Variants in FBXL13 observed in about 807,000 individuals in gnomAD.
The protein encoded by FBXL13 is F-box and leucine-rich repeat protein 13.
FBXL13 carries 67 observed loss-of-function variants against 83.6 expected under a neutral mutation model. The ratio of observed to expected loss-of-function variants is 0.80; its 90% CI spans 0.66 to 0.98. The LOEUF (loss-of-function observed/expected upper bound fraction) is 0.98, where lower values mean the gene tolerates loss of function less well. Ranked by LOEUF, FBXL13 falls within the 50% of genes least tolerant of loss-of-function variation. The pLI, the probability that FBXL13 is intolerant of heterozygous loss-of-function variation, is 0.00. For synonymous variants in FBXL13, 272 were observed against 299.5 expected, an observed-to-expected ratio of 0.91 and a Z score of 0.95; for missense variants, 822 against 866.5, an observed-to-expected ratio of 0.95 and a Z score of 0.64.
chr7:103,007,880 G>A (rs1791149995), intron 6 of FBXL13, among the ~76,000 whole-genome samples: 1 of 152,078 alleles, frequency 6.6e-6, no homozygotes, highest in Non-Finnish European at 1.5e-5. Flanking sequence ...TCCAATCAGT[G>A]GGCCATCCTG....
intron 6 of FBXL13, among the ~76,000 whole-genome samples, chr7:103,024,833 GTATATATA>G (rs1232363692): frequency 1.3e-3 from 127 of 95,912 alleles, no homozygotes; most frequent in East Asian, 5.4e-3. Flanking sequence ...ATATATATGT[GTATATATA>G]TATATATATA....
chr7:102,827,478 T>C (rs1258437494), intron 18 of FBXL13, among the ~76,000 whole-genome samples: 1 of 152,176 alleles, frequency 6.6e-6, no homozygotes, highest in East Asian at 1.9e-4. Flanking sequence ...GCCAATACTA[T>C]GTGCCAGGAA....
intron 2 of FBXL13, among the ~76,000 whole-genome samples, chr7:103,044,708 A>G (rs1796096765): frequency 6.6e-6 from 1 of 152,204 alleles, no homozygotes; most frequent in South Asian, 2.1e-4. Context: ...TTTAAATTTT[A>G]TATATGCTTT....
At chr7:102,850,839 C>T (rs17136113) in intron 17 of FBXL13, among the ~76,000 whole-genome samples, 7,770 of 152,108 alleles carry the variant, frequency 0.051, 223 homozygotes, top group South Asian at 0.1. Flanking sequence ...CATTAGTATC[C>T]CTGGTCTAAA....
At chr7:102,913,272 TTTC>T in intron 10 of FBXL13, 57 bp from the exon 12 acceptor site, 1 of 1,606,652 alleles carries the variant, frequency 6.2e-7, no homozygotes, top group Non-Finnish European at 8.5e-7. Context: ...CTCTCAAATC[TTTC>T]TTAAGCCACT....
intron 18 of FBXL13, among the ~76,000 whole-genome samples, chr7:102,832,148 G>C (rs559185131): frequency 6.6e-6 from 1 of 152,204 alleles, no homozygotes; most frequent in African/African-American, 2.4e-5. Flanking sequence ...TCTCCCTTAA[G>C]CTTTTATATG....
In FBXL13 at chr7:102,877,601, A is replaced by T; in HGVS notation, c.1509-8T>A. ...TAGTTTAAATTAGGGCAGCTAAAAG[A>T]AAGTAGCATGGATTAATTTTAGCTG... is the stretch of plus-strand genomic sequence containing the variant. On this transcript the variant is annotated splice_polypyrimidine_tract_variant and splice_region_variant and intron_variant, in intron 15 of 19. Coordinates refer to ENST00000313221, the Ensembl canonical transcript of FBXL13. 1 of 1,602,370 alleles carries T rather than the reference A, an allele frequency of 6.2e-7. No homozygotes were observed. The highest frequency in any genetic ancestry group is 1.7e-4 in the Middle Eastern group (1 of 5,822).
intron 6 of FBXL13, chr7:102,978,399 A>C (rs949619718): frequency 1.3e-5 from 2 of 152,474 alleles, no homozygotes; most frequent in Non-Finnish European, 2.9e-5. Flanking sequence ...CCAAGGCGCA[A>C]GGCCACTTGT....
At chr7:102,954,486 AACAGGCAAAAC>A (rs1198522368) in intron 8 of FBXL13, among the ~76,000 whole-genome samples, 4 of 152,220 alleles carry the variant, frequency 2.6e-5, no homozygotes, top group African/African-American at 9.6e-5. Flanking sequence ...TGCATCAATT[AACAGGCAAAAC>A]AAACAGCAAA....
Position 102,960,894 on chromosome 7 carries a change from C to A in FBXL13, c.724+2639G>T, listed in dbSNP as rs1270497101. 4.0e-3 allele frequency among the ~76,000 whole-genome samples: 598 copies of A among 151,260 alleles called. 2 individuals are homozygous for A. Among genetic ancestry groups the A allele is most frequent in the Middle Eastern group, 6.8e-3 (2 of 294 alleles). On this transcript the variant is annotated intron_variant, in intron 8 of 19. Coordinates refer to ENST00000313221, the Ensembl canonical transcript of FBXL13. The stretch of plus-strand genomic sequence containing the variant: ...GCCAATATCATACTGAATGGGCAAA[C>A]ACTGGAAGCATTCCCTTTGAAAACT...
intron 8 of FBXL13, among the ~76,000 whole-genome samples, chr7:102,945,565 G>A (rs1386013873): frequency 6.6e-6 from 1 of 152,072 alleles, no homozygotes; most frequent in African/African-American, 2.4e-5. Context: ...GGGTTTGCAG[G>A]TTAAAATGAG....
At chr7:102,856,473 G>A (rs569858049) in intron 16 of FBXL13, among the ~76,000 whole-genome samples, 5 of 152,304 alleles carry the variant, frequency 3.3e-5, no homozygotes, top group African/African-American at 7.2e-5. Flanking sequence ...TCACTTTTAT[G>A]TAGTCAAGTT....
chr7:102,888,599 A>G (rs1811108126), intron 11 of FBXL13, among the ~76,000 whole-genome samples: 1 of 152,218 alleles, frequency 6.6e-6, no homozygotes, highest in Non-Finnish European at 1.5e-5. Context: ...AAGCAGTGGG[A>G]GTGCTGGTCT....
chr7:102,969,890 A>T (rs911869207), intron 6 of FBXL13, among the ~76,000 whole-genome samples: 5 of 151,242 alleles, frequency 3.3e-5, no homozygotes, highest in African/African-American at 1.2e-4. Context: ...GAAAAGAAAA[A>T]AGAAAAGAAA....
intron 6 of FBXL13, among the ~76,000 whole-genome samples, chr7:102,968,988 C>T (rs919975256): frequency 6.6e-6 from 1 of 152,164 alleles, no homozygotes; most frequent in African/African-American, 2.4e-5. Context: ...TGTCTAGTGA[C>T]ATCATAGCCA....
intron 1 of FBXL13, among the ~76,000 whole-genome samples, chr7:103,061,191 T>G (rs1219284361): frequency 6.6e-6 from 1 of 151,902 alleles, no homozygotes; most frequent in African/African-American, 2.4e-5. Flanking sequence ...TTTTTTTGTT[T>G]TTTTCTTTTT....
intron 8 of FBXL13, among the ~76,000 whole-genome samples, chr7:102,959,184 T>C (rs1260739113): frequency 6.6e-6 from 1 of 152,062 alleles, no homozygotes; most frequent in African/African-American, 2.4e-5. Context: ...TCAGATACAA[T>C]AACATCATAT....
chr7:102,998,253 A>G (rs977567920), intron 6 of FBXL13, among the ~76,000 whole-genome samples: 12 of 152,038 alleles, frequency 7.9e-5, no homozygotes, highest in Non-Finnish European at 1.8e-4. Context: ...TGTTCTTTTT[A>G]TGTTCTCTTT....
chr7:102,999,410 C>T (rs181183600), intron 6 of FBXL13, among the ~76,000 whole-genome samples: 13 of 152,198 alleles, frequency 8.5e-5, no homozygotes, highest in South Asian at 4.2e-4. Flanking sequence ...GTTTTAGTAT[C>T]GGGATAATGC....
Sources: allele counts gnomAD v4.1 joint callset (sites outside exome capture counted in the v4.1 genomes callset), GRCh38; gene constraint gnomAD v4.1.1; transcripts MANE v1.5; gene names NCBI Gene and HGNC (gene_info 2026-07-23, HGNC 2026-07-21).